Variants in UNC5C observed in about 807,000 individuals in gnomAD.
UNC5C encodes netrin receptor UNC5C.
UNC5C carries 47 observed loss-of-function variants against 99.8 expected under a neutral mutation model. The ratio of observed to expected loss-of-function variants is 0.47; its 90% CI spans 0.37 to 0.60. The LOEUF (loss-of-function observed/expected upper bound fraction) is 0.60, where lower values mean the gene tolerates loss of function less well. Among genes scored for constraint, UNC5C ranks in the 20% least tolerant of loss-of-function variants. The pLI is 0.00. For synonymous variants in UNC5C, 487 were observed against 452.2 expected (o/e 1.08, Z -0.98); for missense variants, 1,062 against 1,165.9 (o/e 0.91, Z 1.30).
chr4:95,355,694 A>G (rs1744157729), intron 1 of UNC5C, among the ~76,000 whole-genome samples: 1 of 152,090 alleles, frequency 6.6e-6, no homozygotes, highest in Non-Finnish European at 1.5e-5. Flanking sequence ...CCATGGTGGA[A>G]GTACAGACTC....
At chr4:95,362,851 G>C (rs1744436726) in intron 1 of UNC5C, among the ~76,000 whole-genome samples, 1 of 152,060 alleles carries the variant, frequency 6.6e-6, no homozygotes, top group Admixed American at 6.6e-5. Context: ...TGAAGATCAA[G>C]AAAATGAAAC....
At chr4:95,279,697 G>C (rs1740985424) in intron 3 of UNC5C, among the ~76,000 whole-genome samples, 1 of 152,118 alleles carries the variant, frequency 6.6e-6, no homozygotes, top group Non-Finnish European at 1.5e-5. Flanking sequence ...TAATGCCTCT[G>C]TTCTGTTATC....
At chr4:95,260,334 C>T (rs1352965619) in intron 4 of UNC5C, among the ~76,000 whole-genome samples, 1 of 152,182 alleles carries the variant, frequency 6.6e-6, no homozygotes, top group African/African-American at 2.4e-5. Flanking sequence ...TACCATTAAA[C>T]TTAAACAGCC....
At chr4:95,445,096 T>C (rs541809976) in intron 1 of UNC5C, among the ~76,000 whole-genome samples, 127 of 152,268 alleles carry the variant, frequency 8.3e-4, no homozygotes, top group Non-Finnish European at 1.3e-3. Flanking sequence ...ACCCAACTTA[T>C]TTTCATTATT....
rs572008254 is a variant in UNC5C at position 95,182,957 on chromosome 4, G to C, written c.2391C>G (p.Leu797=). ...SLNTVELVCK[L]CVRQVEGEGQ... ...CTTCTCCTTCCACCTGCCGCACACA[G>C]AGTTTGCAAACCAGCTCCACTGTGT... The change falls in exon 14 of 16, where the codon CTC becomes CTG. Residue 797 remains leucine (L), a synonymous_variant. Transcript: ENST00000453304. 18 of 1,613,842 alleles carry C rather than the reference G, an allele frequency of 1.1e-5. No individual in the cohort carries two copies. The highest frequency in any genetic ancestry group is 4.0e-5 in the African/African-American group (3 of 74,916).
chr4:95,505,554 T>C (rs1721894790), intron 1 of UNC5C, among the ~76,000 whole-genome samples: 1 of 152,092 alleles, frequency 6.6e-6, no homozygotes, highest in Admixed American at 6.6e-5. Flanking sequence ...TGTCATTGGG[T>C]GACATAATAT....
At position 95,179,773 on chromosome 4, in the gene UNC5C, ATGAC is replaced by A. The variant is rs549773709; in HGVS notation, c.2451+3120_2451+3123del. Among the ~76,000 whole-genome samples, 52 of 150,836 alleles carry A rather than the reference ATGAC, an allele frequency of 3.4e-4. No homozygotes were observed. The South Asian group carries it at 6.3e-3, about 18-fold the overall frequency. ...AAAAAAAAAAAAAAAAAAGAAAAAGATGACTGACTAATAAATACTGCCCCCTAAA... is the reference window on the plus strand; with the variant it reads ...AAAAAAAAAAAAAAAAAAGAAAAAGATGACTAATAAATACTGCCCCCTAAA... On this transcript the variant is annotated intron_variant, in intron 14 of 15. Transcript: ENST00000453304.
intron 7 of UNC5C, among the ~76,000 whole-genome samples, chr4:95,227,261 C>G (rs1358916444): frequency 6.6e-6 from 1 of 151,826 alleles, no homozygotes; most frequent in Non-Finnish European, 1.5e-5. Context: ...GCAATCCTCC[C>G]ATCTCAGCCT....
intron 1 of UNC5C, among the ~76,000 whole-genome samples, chr4:95,347,101 A>T (rs1256326493): frequency 6.6e-6 from 1 of 152,100 alleles, no homozygotes; most frequent in Non-Finnish European, 1.5e-5. Context: ...AAAAATCGGT[A>T]GCATTTCTAT....
Position 95,245,711 on chromosome 4 carries a change from G to T in UNC5C, c.776-567C>A, listed in dbSNP as rs3775004. Among the ~76,000 whole-genome samples, 76 of 152,234 alleles carry T rather than the reference G, an allele frequency of 5.0e-4. No individual in the cohort carries two copies. The East Asian group carries it at 0.014, about 29-fold the overall frequency. On this transcript the variant is annotated intron_variant, in intron 5 of 15. Coordinates refer to ENST00000453304, the MANE Select transcript of UNC5C (RefSeq NM_003728.4). ...ATTGACTGGCTATTTGAGTTACTTG[G>T]CGATTAGTTGATATTGAAATAAACA...
chr4:95,533,972 T>A (rs890976603), intron 1 of UNC5C, among the ~76,000 whole-genome samples: 4 of 152,226 alleles, frequency 2.6e-5, no homozygotes, highest in African/African-American at 9.6e-5. Flanking sequence ...AAAAGCATTC[T>A]AGTTGCTTCT....
intron 2 of UNC5C, among the ~76,000 whole-genome samples, chr4:95,331,302 T>G (rs1045140485): frequency 2.0e-5 from 3 of 152,270 alleles, no homozygotes; most frequent in African/African-American, 7.2e-5. Context: ...ATCTTTTTGA[T>G]GTAATGATTT....
intron 1 of UNC5C, among the ~76,000 whole-genome samples, chr4:95,529,738 G>C (rs926395943): frequency 6.6e-6 from 1 of 151,746 alleles, no homozygotes; most frequent in African/African-American, 2.4e-5. Context: ...AAAAAAAAAT[G>C]GTAATAATAA....
chr4:95,204,481 G>C (rs568400196), intron 11 of UNC5C, among the ~76,000 whole-genome samples: 2 of 152,214 alleles, frequency 1.3e-5, no homozygotes, highest in South Asian at 4.1e-4. Context: ...GCTGGGCTTC[G>C]GCCTACGGTT....
chr4:95,332,834 C>A (rs1040067812), intron 2 of UNC5C, among the ~76,000 whole-genome samples: 1 of 151,664 alleles, frequency 6.6e-6, no homozygotes, highest in Non-Finnish European at 1.5e-5. Context: ...TGACAAAGGG[C>A]TAATATCCAG....
chr4:95,448,198 C>CTGTG lies in UNC5C; in HGVS notation c.124+100535_124+100536insCACA, dbSNP rs759654336. ...ATTCAAGTTTTGCTAATGTGTGTGT[C>CTGTG]TCTGTGTGTGTGTGTGTGTGTGTGT... On this transcript the variant is annotated intron_variant, in intron 1 of 15. Coordinates refer to ENST00000453304, the MANE Select transcript of UNC5C (RefSeq NM_003728.4). Among the ~76,000 whole-genome samples the CTGTG allele has an allele frequency of 9.0e-4, 94 of 103,896 alleles. No individual in the cohort carries two copies. In the South Asian group the frequency reaches 0.015, roughly 17 times the overall value. The allele number at this position is 103,896 out of a possible 152,430, so 68.2% of individuals were successfully genotyped here.
chr4:95,357,178 G>A (rs1744237895), intron 1 of UNC5C, among the ~76,000 whole-genome samples: 1 of 150,026 alleles, frequency 6.7e-6, no homozygotes, highest in Non-Finnish European at 1.5e-5. Context: ...CTGTGACATA[G>A]AAGGCTGTAG....
chr4:95,369,719 A>G (rs560625933), intron 1 of UNC5C, among the ~76,000 whole-genome samples: 13 of 152,262 alleles, frequency 8.5e-5, no homozygotes, highest in South Asian at 2.1e-4. Flanking sequence ...CAATGGTCCA[A>G]TGTAACTGGG....
At chr4:95,193,861 G>A (rs111916315) in intron 12 of UNC5C, among the ~76,000 whole-genome samples, 244 of 152,260 alleles carry the variant, frequency 1.6e-3, no homozygotes, top group African/African-American at 5.4e-3. Context: ...CTGTCAGCCC[G>A]GCCTCTCCCA....
Sources: allele counts gnomAD v4.1 joint callset (sites outside exome capture counted in the v4.1 genomes callset), GRCh38; gene constraint gnomAD v4.1.1; transcripts MANE v1.5; gene names NCBI Gene and HGNC (gene_info 2026-07-23, HGNC 2026-07-21).